ELOVL5: variants seen among roughly 807,000 people sequenced by gnomAD.
The protein encoded by ELOVL5 is ELOVL fatty acid elongase 5.
ELOVL5 carries 8 observed loss-of-function variants against 38.6 expected under a neutral mutation model. The ratio of observed to expected loss-of-function variants is 0.21; its 90% confidence interval spans 0.12 to 0.37. The LOEUF is 0.37. ELOVL5 is among the 10% of genes least tolerant of loss of function. ELOVL5 has a pLI of 1.00. For synonymous variants in ELOVL5, 127 were observed against 133.7 expected (o/e 0.95, Z 0.34); for missense variants, 280 against 367.8 (o/e 0.76, Z 1.95).
intron 3 of ELOVL5, among the ~76,000 whole-genome samples, chr6:53,286,010 A>T (rs941983311): frequency 6.6e-6 from 1 of 152,178 alleles, no homozygotes; most frequent in Non-Finnish European, 1.5e-5. Flanking sequence ...GCACTGCGAA[A>T]CCAAAAATGG....
chr6:53,319,625 A>T (rs1768216343), intron 1 of ELOVL5, among the ~76,000 whole-genome samples: 1 of 152,136 alleles, frequency 6.6e-6, no homozygotes, highest in South Asian at 2.1e-4. Context: ...GAATATAATT[A>T]ATATTCCCTA....
Position 53,276,658 on chromosome 6 carries a change from G to C in ELOVL5, c.247-402C>G, listed in dbSNP as rs77943263. On this transcript the variant is annotated intron_variant, in intron 3 of 7. Transcript: ENST00000304434. ...CCTCAAACTTGAGTGTGCAGCACCA[G>C]AATTACCTGAGGGGTGAGTTAGTAA... Among the ~76,000 whole-genome samples the C allele has an allele frequency of 5.0e-4, 76 of 152,224 alleles. 1 individual carries two copies. Among genetic ancestry groups the C allele is most frequent in the African/African-American group, 1.7e-3 (70 of 41,552 alleles).
In ELOVL5 at chr6:53,282,817, T is replaced by C. The variant is rs144187440; in HGVS notation, c.247-6561A>G. Among the ~76,000 whole-genome samples, 18 of 152,288 alleles carry C rather than the reference T, an allele frequency of 1.2e-4. No individual in the cohort carries two copies. The South Asian group carries it at 2.1e-3, about 18-fold the overall frequency. On this transcript the variant is annotated intron_variant, in intron 3 of 7. Transcript: ENST00000304434. ...CAATTGCCAGGTTGCTTAAGTGTTT[T>C]TCCAAATCCTATTTTCCCACAATAA... is the stretch of plus-strand genomic sequence containing the variant.
chr6:53,348,159 C>G (rs1423737782), intron 1 of ELOVL5, among the ~76,000 whole-genome samples: 1 of 152,158 alleles, frequency 6.6e-6, no homozygotes, highest in Non-Finnish European at 1.5e-5. Flanking sequence ...CCCTGAGTAC[C>G]AAGGGCTGCC....
chr6:53,286,991 T>A (rs1766596996), intron 3 of ELOVL5, among the ~76,000 whole-genome samples: 1 of 152,222 alleles, frequency 6.6e-6, no homozygotes, highest in Non-Finnish European at 1.5e-5. Context: ...AATCAAGCAT[T>A]TGTTAGGTGC....
intron 3 of ELOVL5, chr6:53,290,362 T>C (rs1352740627): frequency 6.6e-6 from 1 of 152,204 alleles, no homozygotes; most frequent in East Asian, 1.9e-4. Context: ...GGCTGTATTA[T>C]CTATCAATTA....
chr6:53,270,026 G>A lies in ELOVL5; in HGVS notation c.756+567C>T, dbSNP rs905807066. On this transcript the variant is annotated intron_variant, in intron 7 of 7. Transcript: ENST00000304434. The stretch of plus-strand genomic sequence containing the variant: ...GGACACATGTCATCTGGGGGGTGAC[G>A]CATGGCAGGAGAATCAGCAGTGGCT... 5.3e-5 allele frequency among the ~76,000 whole-genome samples: 8 copies of A among 152,294 alleles called. No individual in the cohort carries two copies. In the East Asian group the frequency reaches 5.8e-4, roughly 11 times the overall value.
intron 1 of ELOVL5, among the ~76,000 whole-genome samples, chr6:53,321,343 C>T (rs1768297439): frequency 6.6e-6 from 1 of 152,208 alleles, no homozygotes; most frequent in South Asian, 2.1e-4. Flanking sequence ...ATGAAGGCTG[C>T]CAGCAATCAT....
In ELOVL5 at chr6:53,335,900, G is replaced by A. The variant is rs112131390; in HGVS notation, c.-9+12917C>T. ...TGTTTCTTCTTACATCCTGCTGCTC[G>A]GAAGACTGAGGCCACACTAAGCCTG... On this transcript the variant is annotated intron_variant, in intron 1 of 7. Coordinates refer to ENST00000304434, the MANE Select transcript of ELOVL5 (RefSeq NM_021814.5). Among the ~76,000 whole-genome samples, 22 of 152,208 alleles carry A rather than the reference G, an allele frequency of 1.4e-4. 2 individuals carry two copies. Among genetic ancestry groups the A allele is most frequent in the East Asian group, 3.9e-4 (2 of 5,180 alleles).
At chr6:53,273,454 C>T in intron 5 of ELOVL5, 110 bp from the exon 6 acceptor site, 2 of 1,018,740 alleles carry the variant, frequency 2.0e-6, no homozygotes, top group South Asian at 3.1e-5. Flanking sequence ...AGAGAGATGA[C>T]TTCCAACGGA....
At chr6:53,289,660 C>T (rs2127573589) in intron 3 of ELOVL5, among the ~76,000 whole-genome samples, 1 of 152,244 alleles carries the variant, frequency 6.6e-6, no homozygotes, top group Middle Eastern at 3.4e-3. Context: ...GCGGAGGTTG[C>T]AGTGAGCCGA....
At chr6:53,348,635 C>G (rs548718447) in intron 1 of ELOVL5, among the ~76,000 whole-genome samples, 182 bp downstream of exon 1, 1 of 152,216 alleles carries the variant, frequency 6.6e-6, no homozygotes, top group African/African-American at 2.4e-5. Flanking sequence ...CCGGGCTGTA[C>G]CCCGGAGCCG....
intron 3 of ELOVL5, chr6:53,277,825 G>C (rs1266008602): frequency 1.3e-5 from 2 of 152,192 alleles, no homozygotes; most frequent in Non-Finnish European, 2.9e-5. Context: ...TGAGACCTGG[G>C]GTGGAGAGGG....
intron 2 of ELOVL5, among the ~76,000 whole-genome samples, chr6:53,293,479 C>T (rs940640365): frequency 2.2e-4 from 34 of 152,006 alleles, no homozygotes; most frequent in Admixed American, 1.7e-3. Flanking sequence ...CACCACACCC[C>T]GCTAATTTTT....
At chr6:53,275,406 G>A in intron 4 of ELOVL5, 145 bp from the exon 5 acceptor site, 1 of 743,266 alleles carries the variant, frequency 1.3e-6, no homozygotes, top group Non-Finnish European at 2.2e-6. Context: ...TCCATCAGTG[G>A]CTGGGAGCTA....
intron 1 of ELOVL5, among the ~76,000 whole-genome samples, chr6:53,331,060 T>C (rs570359437): frequency 3.3e-5 from 5 of 152,256 alleles, no homozygotes; most frequent in Non-Finnish European, 7.3e-5. Flanking sequence ...TGACAGGCAG[T>C]GGCTCATGCC....
At chr6:53,273,114 A>G (rs1340480983) in intron 6 of ELOVL5, 106 bp downstream of exon 6, 4 of 1,172,264 alleles carry the variant, frequency 3.4e-6, no homozygotes, top group Non-Finnish European at 4.8e-6. Flanking sequence ...CAAATGAAAA[A>G]GGGTGGAGAA....
intron 6 of ELOVL5, among the ~76,000 whole-genome samples, chr6:53,271,585 C>T (rs942764732): frequency 1.3e-5 from 2 of 152,168 alleles, no homozygotes; most frequent in Non-Finnish European, 2.9e-5. Context: ...GGGCTAGGCT[C>T]TGCACACTGT....
chr6:53,298,183 T>C (rs1235606430), intron 1 of ELOVL5, among the ~76,000 whole-genome samples: 1 of 152,156 alleles, frequency 6.6e-6, no homozygotes, highest in Non-Finnish European at 1.5e-5. Context: ...GCCATGTATA[T>C]GGAGGTCACA....
Sources: gnomAD v4.1 joint callset for allele counts (sites outside exome capture counted in the v4.1 genomes callset) on GRCh38, gnomAD v4.1.1 for gene constraint, MANE v1.5 for transcripts, NCBI Gene and HGNC (gene_info 2026-07-23, HGNC 2026-07-21) for gene names.